The following ANGPTL5 variants were observed in gnomAD, a reference collection of about 807,000 sequenced individuals.
ANGPTL5 encodes the protein angiopoietin like 5, also known as angiopoietin-related protein 5.
Under a neutral mutation model 39.4 loss-of-function variants are expected in ANGPTL5, and 34 were observed. That is an observed-to-expected ratio of 0.86 (90% CI 0.66 to 1.15). The LOEUF (loss-of-function observed/expected upper bound fraction) is 1.15. Ranked by LOEUF, ANGPTL5 falls within the 50% of genes most tolerant of loss-of-function variation. ANGPTL5 has a pLI of 0.00. For missense variants in ANGPTL5, 467 were observed against 457.5 expected (o/e 1.02, Z -0.19); for synonymous variants, 146 against 152.1 (o/e 0.96, Z 0.29).
intron 6 of ANGPTL5, among the ~76,000 whole-genome samples, chr11:101,901,319 G>A (rs1294826920): frequency 6.6e-6 from 1 of 151,884 alleles, no homozygotes; most frequent in Admixed American, 6.6e-5. Flanking sequence ...GGGGGTGGGG[G>A]GGTGTGTGTG....
chr11:101,907,304 A>C (rs1940015122), intron 2 of ANGPTL5, 57 bp from the exon 3 acceptor site: 1 of 1,082,172 alleles, frequency 9.2e-7, no homozygotes, highest in African/African-American at 1.6e-5. Flanking sequence ...TATATGACCT[A>C]ATACATAATA....
intron 1 of ANGPTL5, chr11:101,915,309 C>T (rs148913485): frequency 1.2e-6 from 2 of 1,613,572 alleles, no homozygotes; most frequent in African/African-American, 2.7e-5. Flanking sequence ...GCCCGGAACC[C>T]GGAGCGCGGT....
chr11:101,902,846 A>G (rs1232124289), intron 5 of ANGPTL5, 125 bp from the exon 6 acceptor site: 19 of 608,152 alleles, frequency 3.1e-5, no homozygotes, highest in Middle Eastern at 8.8e-4. Context: ...AACTTCTTCA[A>G]AATGAAAAAT....
rs1462856026 is a variant in ANGPTL5, at chr11:101,890,729, G to A, written c.*550C>T. The A allele has an allele frequency of 1.3e-5, 2 of 152,370 alleles. No individual in the cohort carries two copies. The highest frequency in any genetic ancestry group is 6.5e-5 in the Admixed American group (1 of 15,292). The allele number at this position is 152,370 out of a possible 1,614,324, so 9.4% of individuals were successfully genotyped here. ...AAACAATAACAAAATAGTTAACCAT[G>A]ATTAGATATGAAAACAAGAAAAACT... On this transcript the variant is annotated 3_prime_UTR_variant, in exon 9 of 9. Transcript: ENST00000334289.
intron 1 of ANGPTL5, among the ~76,000 whole-genome samples, chr11:101,908,988 C>T (rs979848912): frequency 1.3e-5 from 2 of 152,106 alleles, no homozygotes; most frequent in African/African-American, 2.4e-5. Context: ...ATTCTACACA[C>T]ATGCCTAAGT....
chr11:101,901,015 CTTTTTTTT>C (rs34425298), intron 6 of ANGPTL5, among the ~76,000 whole-genome samples: 1 of 98,658 alleles, frequency 1.0e-5, no homozygotes, highest in Non-Finnish European at 1.9e-5. Flanking sequence ...GCACCCCCGG[CTTTTTTTT>C]TTTTTTTTTT....
chr11:101,894,979 A>G lies in ANGPTL5; in HGVS notation c.747T>C (p.Ser249=), dbSNP rs1939765998. 1 of 1,612,154 alleles carries G rather than the reference A, an allele frequency of 6.2e-7. No individual in the cohort carries two copies. Among genetic ancestry groups the G allele is most frequent in the Non-Finnish European group, 8.5e-7 (1 of 1,178,470 alleles). Residue 249 remains serine, a synonymous_variant, in exon 8 of 9, where the codon TCT becomes TCC. Transcript: ENST00000334289. The stretch of plus-strand genomic sequence containing the variant: ...ATGCATAAGCAAGAGTGTCATCTTC[A>G]GATTCCAAAGCCACATACAGCATAA... ...TSFMLYVALE[S]EDDTLAYASY...
intron 7 of ANGPTL5, among the ~76,000 whole-genome samples, chr11:101,897,435 C>G (rs1158522104): frequency 6.6e-6 from 1 of 152,170 alleles, no homozygotes; most frequent in East Asian, 1.9e-4. Flanking sequence ...TTGCCCATGC[C>G]TATGTCCTGA....
chr11:101,907,272 G>T (rs1255097271), intron 2 of ANGPTL5, 25 bp from the exon 3 acceptor site: 1 of 1,342,818 alleles, frequency 7.4e-7, no homozygotes, highest in Non-Finnish European at 1.0e-6. Context: ...ATAGAAATAA[G>T]AAAAAAATAC....
At chr11:101,915,621 C>T (rs1940193153) in intron 1 of ANGPTL5, among the ~76,000 whole-genome samples, 1 of 152,192 alleles carries the variant, frequency 6.6e-6, no homozygotes. Flanking sequence ...CCCCCCATCA[C>T]CCTGTTATCC....
chr11:101,893,220 T>G (rs1939733925), intron 8 of ANGPTL5, among the ~76,000 whole-genome samples: 1 of 152,226 alleles, frequency 6.6e-6, no homozygotes, highest in South Asian at 2.1e-4. Flanking sequence ...GAGAGTGTGG[T>G]TGGAGAACAT....
At position 101,907,902 on chromosome 11, in the gene ANGPTL5, G is replaced by A; in HGVS notation, c.8C>T (p.Ser3Phe). ...GAATAAGAGTGAGGCTTGGGATGGAGACATCATATTTTTCTTGGATAGATG... is the reference window on the plus strand; with the variant it reads ...GAATAAGAGTGAGGCTTGGGATGGAAACATCATATTTTTCTTGGATAGATG... MMSPSQASLLFLN... is the reference protein window; with the variant it reads MMFPSQASLLFLN... Residue 3 changes from serine to phenylalanine, a missense_variant, in exon 2 of 9, where the codon TCT (serine) becomes TTT (phenylalanine). By Grantham distance (155) the Ser-to-Phe change is radical (BLOSUM62 -2). Transcript: ENST00000334289. 5 of 1,602,058 alleles carry A rather than the reference G, an allele frequency of 3.1e-6. No homozygotes were observed. The highest frequency in any genetic ancestry group is 4.3e-6 in the Non-Finnish European group (5 of 1,169,438).
At chr11:101,900,915 G>A (rs1227420852) in intron 6 of ANGPTL5, among the ~76,000 whole-genome samples, 3 of 150,540 alleles carry the variant, frequency 2.0e-5, no homozygotes, top group East Asian at 3.9e-4. Context: ...GCAGTGGCGC[G>A]ATCCCGGCTC....
chr11:101,915,038 C>T (rs755280571), intron 1 of ANGPTL5: 7 of 457,194 alleles, frequency 1.5e-5, no homozygotes, highest in Middle Eastern at 5.7e-4. Context: ...AAGATGGCGG[C>T]TGCAGGGTTG....
chr11:101,915,100 A>G (rs974110709), intron 1 of ANGPTL5: 4 of 835,290 alleles, frequency 4.8e-6, no homozygotes, highest in African/African-American at 1.7e-5. Flanking sequence ...CTCAGCTGCC[A>G]TCGCCGCTAC....
At chr11:101,897,741 T>C (rs7106678) in intron 7 of ANGPTL5, among the ~76,000 whole-genome samples, 12,174 of 152,236 alleles carry the variant, frequency 0.08, 742 homozygotes, top group East Asian at 0.31. Context: ...AGTATCAAGC[T>C]GTTTTGGTTA....
At chr11:101,905,987 C>T (rs923709752) in intron 3 of ANGPTL5, 140 bp from the exon 4 acceptor site, 2 of 627,438 alleles carry the variant, frequency 3.2e-6, no homozygotes, top group African/African-American at 1.8e-5. Context: ...CTCAGAATTA[C>T]ATATTTTAGT....
At chr11:101,893,835 T>C (rs1939746204) in intron 8 of ANGPTL5, among the ~76,000 whole-genome samples, 1 of 152,200 alleles carries the variant, frequency 6.6e-6, no homozygotes, top group Non-Finnish European at 1.5e-5. Context: ...CAACTCTCTG[T>C]GACCTATAAT....
chr11:101,891,632 G>A lies in ANGPTL5; in HGVS notation c.848-34C>T, dbSNP rs1565336888. 2.5e-6 allele frequency: 4 copies of A among 1,583,160 alleles called. No individual in the cohort carries two copies. The East Asian group carries it at 6.8e-5, about 27-fold the overall frequency. ...AAAATTTTTAATGATCGAATTTAAA[G>A]GAAATTTCTATTATTTTAATTAATC... On this transcript the variant is annotated intron_variant, in intron 8 of 8. Transcript: ENST00000334289.
Sources: gnomAD v4.1 joint callset for allele counts (sites outside exome capture counted in the v4.1 genomes callset) on GRCh38, gnomAD v4.1.1 for gene constraint, MANE v1.5 for transcripts, NCBI Gene and HGNC (gene_info 2026-07-23, HGNC 2026-07-21) for gene names.